Variants in MACROD2 observed in about 807,000 individuals in gnomAD.
MACROD2 encodes the protein mono-ADP ribosylhydrolase 2, also known as ADP-ribose glycohydrolase MACROD2.
A neutral mutation model predicts 70.4 loss-of-function variants in MACROD2; 36 were observed. The ratio of observed to expected loss-of-function variants is 0.51; its 90% CI spans 0.39 to 0.68. The LOEUF is 0.68. Ranked by LOEUF, MACROD2 falls within the 30% of genes least tolerant of loss-of-function variation. The probability of loss-of-function intolerance (pLI) is 0.00; values close to 1 mark genes in which losing one functional copy is unlikely to be tolerated. For missense variants in MACROD2, 496 were observed against 538.4 expected (o/e 0.92, Z 0.78); for synonymous variants, 172 against 178.8 (o/e 0.96, Z 0.30).
rs371076992 is a variant in MACROD2, at chr20:15,311,879, G to A, written c.540+81818G>A. ...GATCATTTGTTTCTCAAACCTCAGC[G>A]TCATGCAATATACTCAGGCAGCAAA... is the stretch of plus-strand genomic sequence containing the variant. On this transcript the variant is annotated intron_variant, in intron 6 of 17. Transcript: ENST00000684519. 2.0e-4 allele frequency among the ~76,000 whole-genome samples: 30 copies of A among 152,162 alleles called. No homozygotes were observed. In the East Asian group the frequency reaches 5.2e-3, roughly 26 times the overall value.
intron 10 of MACROD2, among the ~76,000 whole-genome samples, chr20:15,930,885 A>G (rs750121248): frequency 2.0e-5 from 3 of 152,054 alleles, no homozygotes; most frequent in Non-Finnish European, 4.4e-5. Flanking sequence ...CCAATTCCTC[A>G]CCTTTCTGTA....
rs2023568 is a variant in MACROD2 at position 14,536,656 on chromosome 20, T to A, written c.301+43148T>A. Among the ~76,000 whole-genome samples, 266 of 147,346 alleles carry A rather than the reference T, an allele frequency of 1.8e-3. 2 individuals carry two copies. Among genetic ancestry groups the A allele is most frequent in the African/African-American group, 5.9e-3 (221 of 37,518 alleles). On this transcript the variant is annotated intron_variant, in intron 4 of 17. Transcript: ENST00000684519. ...GTGTGTGTGTGTGTGTGTGTGTGTG[T>A]GTGTGTGCATGCATGTGTGCCTGCA...
At chr20:15,966,450 T>G (rs6131750) in intron 12 of MACROD2, among the ~76,000 whole-genome samples, 16,875 of 152,190 alleles carry the variant, frequency 0.11, 994 homozygotes, top group East Asian at 0.24. Flanking sequence ...CAACATCAAG[T>G]ACAGTGTCTG....
rs59071209 is a variant in MACROD2, at chr20:15,262,943, C to G, written c.540+32882C>G. On this transcript the variant is annotated intron_variant, in intron 6 of 17. Coordinates refer to ENST00000684519, the MANE Select transcript of MACROD2 (RefSeq NM_001351661.2). ...TCCTTATATATTCTGGTTATCAACC[C>G]TTTGTCAGATGGATAGCTTGCAAAT... Among the ~76,000 whole-genome samples the G allele has an allele frequency of 7.1e-3, 1,088 of 152,172 alleles. 15 individuals are homozygous for G. The highest frequency in any genetic ancestry group is 0.025 in the African/African-American group (1,045 of 41,530).
At chr20:15,043,538 A>T (rs1386199326) in intron 5 of MACROD2, among the ~76,000 whole-genome samples, 1 of 152,048 alleles carries the variant, frequency 6.6e-6, no homozygotes, top group Non-Finnish European at 1.5e-5. Context: ...CTTTTGAAAG[A>T]TTGTCTTGGG....
At chr20:14,682,913 C>G (rs533880513) in intron 4 of MACROD2, among the ~76,000 whole-genome samples, 4 of 152,208 alleles carry the variant, frequency 2.6e-5, no homozygotes, top group African/African-American at 9.6e-5. Flanking sequence ...GAGTTTCACT[C>G]TTGTTGCCCA....
intron 8 of MACROD2, among the ~76,000 whole-genome samples, chr20:15,842,727 T>TAGATAGAC (rs1227993317): frequency 2.8e-5 from 1 of 35,762 alleles, no homozygotes; most frequent in Non-Finnish European, 4.8e-5. Context: ...GATAGATAGA[T>TAGATAGAC]AGATAGATAG....
At chr20:15,821,021 C>T (rs899889259) in intron 8 of MACROD2, among the ~76,000 whole-genome samples, 3 of 152,106 alleles carry the variant, frequency 2.0e-5, no homozygotes, top group African/African-American at 7.2e-5. Flanking sequence ...TGTGTGCCAT[C>T]AAATAGATCC....
intron 5 of MACROD2, among the ~76,000 whole-genome samples, chr20:14,959,161 C>T (rs563181851): frequency 4.6e-5 from 7 of 152,190 alleles, no homozygotes; most frequent in East Asian, 3.9e-4. Flanking sequence ...GACGGAGTTT[C>T]GCTCTTGTTG....
intron 5 of MACROD2, chr20:14,685,182 T>C (rs985394676): frequency 3.8e-4 from 72 of 189,758 alleles, no homozygotes; most frequent in Middle Eastern, 4.3e-3. Context: ...TATATATGTA[T>C]ATACACACAT....
At chr20:14,962,306 A>AT (rs1353080212) in intron 5 of MACROD2, among the ~76,000 whole-genome samples, 1 of 151,788 alleles carries the variant, frequency 6.6e-6, no homozygotes, top group African/African-American at 2.4e-5. Context: ...TCAATTTGAC[A>AT]TTTTTTTCTA....
At chr20:15,382,476 G>A (rs750495864) in intron 6 of MACROD2, among the ~76,000 whole-genome samples, 26 of 152,070 alleles carry the variant, frequency 1.7e-4, no homozygotes, top group Non-Finnish European at 2.9e-4. Flanking sequence ...TAAGAAAGCA[G>A]GGCTTCAGTA....
rs189121015 is a variant in MACROD2 at position 14,215,588 on chromosome 20, G to A, written c.271+129860G>A. ...TTTACTTCTCTAAGGGATCTCCACA[G>A]TGTTTTCCATAGCGGCTGTACTAGT... is the stretch of plus-strand genomic sequence containing the variant. On this transcript the variant is annotated intron_variant, in intron 3 of 17. Transcript: ENST00000684519. 2.8e-3 allele frequency among the ~76,000 whole-genome samples: 431 copies of A among 152,190 alleles called. 2 individuals carry two copies. The highest frequency in any genetic ancestry group is 9.8e-3 in the African/African-American group (405 of 41,538).
chr20:14,734,250 G>T (rs2071631423), intron 5 of MACROD2, among the ~76,000 whole-genome samples: 1 of 152,008 alleles, frequency 6.6e-6, no homozygotes, highest in African/African-American at 2.4e-5. Flanking sequence ...TGTAATCCCA[G>T]CACTTTGGGA....
intron 5 of MACROD2, among the ~76,000 whole-genome samples, chr20:15,115,518 C>A (rs758497312): frequency 6.6e-6 from 1 of 152,110 alleles, no homozygotes; most frequent in Non-Finnish European, 1.5e-5. Context: ...GCCACTATAT[C>A]CAGCCTATTG....
chr20:15,892,167 G>A (rs1471124619), intron 10 of MACROD2, among the ~76,000 whole-genome samples: 1 of 152,184 alleles, frequency 6.6e-6, no homozygotes, highest in Non-Finnish European at 1.5e-5. Context: ...AAGGTGGAGA[G>A]TGGATCTAGA....
intron 3 of MACROD2, among the ~76,000 whole-genome samples, chr20:14,339,951 C>A (rs1190548067): frequency 6.6e-6 from 1 of 152,182 alleles, no homozygotes; most frequent in Non-Finnish European, 1.5e-5. Context: ...CTCTTATCAG[C>A]TACCTGAAAT....
chr20:15,087,272 ATGAC>A (rs1476013402), intron 5 of MACROD2, among the ~76,000 whole-genome samples: 2 of 152,166 alleles, frequency 1.3e-5, no homozygotes, highest in African/African-American at 4.8e-5. Context: ...ACAAAAAAGA[ATGAC>A]TAAGGAGAGG....
At chr20:14,862,690 A>C (rs79506730) in intron 5 of MACROD2, among the ~76,000 whole-genome samples, 1 of 55,834 alleles carries the variant, frequency 1.8e-5, no homozygotes, top group Non-Finnish European at 3.6e-5. Context: ...TATATATATA[A>C]ATATATATAA....
Sources: gnomAD v4.1 joint callset for allele counts (sites outside exome capture counted in the v4.1 genomes callset) on GRCh38, gnomAD v4.1.1 for gene constraint, MANE v1.5 for transcripts, NCBI Gene and HGNC (gene_info 2026-07-23, HGNC 2026-07-21) for gene names.